Variants in CFAP20DC observed in about 807,000 individuals in gnomAD.
CFAP20DC encodes protein CFAP20DC.
Under a neutral mutation model 101.7 loss-of-function variants are expected in CFAP20DC, and 84 were observed. The observed-to-expected ratio is 0.83, with a 90% CI of 0.69 to 0.99. The LOEUF (loss-of-function observed/expected upper bound fraction) is 0.99, where lower values mean the gene tolerates loss of function less well. Ranked by LOEUF, CFAP20DC falls within the 50% of genes least tolerant of loss-of-function variation. CFAP20DC has a pLI of 0.00. For synonymous variants in CFAP20DC, 359 were observed against 351.2 expected, an observed-to-expected ratio of 1.02 and a Z score of -0.25; for missense variants, 1,007 against 970.3, an observed-to-expected ratio of 1.04 and a Z score of -0.50.
chr3:58,853,703 C>A (rs549121291), intron 12 of CFAP20DC, among the ~76,000 whole-genome samples: 1 of 152,240 alleles, frequency 6.6e-6, no homozygotes, highest in Admixed American at 6.5e-5. Context: ...TAAATGTAAT[C>A]CAGCACATAA....
chr3:58,967,403 A>G (rs1253929198), intron 4 of CFAP20DC, among the ~76,000 whole-genome samples: 9 of 152,318 alleles, frequency 5.9e-5, no homozygotes, highest in Admixed American at 2.0e-4. Flanking sequence ...AGCTAAAACT[A>G]TACATCTCTT....
At chr3:58,747,462 C>CAGAAG (rs1164330903) in intron 16 of CFAP20DC, among the ~76,000 whole-genome samples, 18 of 152,138 alleles carry the variant, frequency 1.2e-4, no homozygotes, top group African/African-American at 4.3e-4. Context: ...GATGTCTCTT[C>CAGAAG]AAGCTTGAAA....
rs543565678 is a variant in CFAP20DC at position 59,020,803 on chromosome 3, G to C, written c.278+18754C>G. 8.5e-5 allele frequency among the ~76,000 whole-genome samples: 13 copies of C among 152,148 alleles called. No individual in the cohort carries two copies. In the East Asian group the frequency reaches 1.4e-3, roughly 16 times the overall value. On this transcript the variant is annotated intron_variant, in intron 4 of 16. Coordinates refer to ENST00000482387, the MANE Select transcript of CFAP20DC (RefSeq NM_001394063.1). ...CCTTATGGACAGTATGTCCCAAATA[G>C]GGGCTGTTTGTTCTATCCACATTCT... is the stretch of plus-strand genomic sequence containing the variant.
chr3:58,987,750 ATAT>A (rs1195287924), intron 4 of CFAP20DC, among the ~76,000 whole-genome samples: 7 of 151,960 alleles, frequency 4.6e-5, no homozygotes, highest in African/African-American at 1.7e-4. Flanking sequence ...CACTTCTAGA[ATAT>A]TATAATTATT....
intron 16 of CFAP20DC, among the ~76,000 whole-genome samples, chr3:58,752,515 C>T (rs9873125): frequency 0.12 from 18,124 of 152,040 alleles, 1,937 homozygotes; most frequent in East Asian, 0.35. Context: ...CTAATATATA[C>T]CTTGGGTGCC....
At chr3:58,737,248 G>A (rs937298766), downstream of CFAP20DC, 46 of 456,030 alleles carry the variant, frequency 1.0e-4, no homozygotes, top group Middle Eastern at 6.5e-4. The surrounding 1 kb of genome is among the most constrained non-coding windows in gnomAD (Gnocchi z 4.1). Flanking sequence ...AAAACAAAAA[G>A]CAAAGAAACA....
chr3:58,813,945 T>C (rs1265672433), intron 14 of CFAP20DC, among the ~76,000 whole-genome samples: 1 of 151,876 alleles, frequency 6.6e-6, no homozygotes, highest in Non-Finnish European at 1.5e-5. Context: ...GGTTCTATGA[T>C]TTAGGCTTTA....
At chr3:58,829,175 T>C (rs574165063) in intron 14 of CFAP20DC, among the ~76,000 whole-genome samples, 3 of 151,820 alleles carry the variant, frequency 2.0e-5, no homozygotes, top group Admixed American at 6.6e-5. Context: ...CTACTAAAAA[T>C]ACAAAAAATT....
intron 15 of CFAP20DC, among the ~76,000 whole-genome samples, chr3:58,804,909 T>G (rs2073951399): frequency 1.3e-5 from 2 of 152,210 alleles, no homozygotes; most frequent in Non-Finnish European, 2.9e-5. Context: ...CAATTCACCC[T>G]ACTAGGTAAC....
chr3:58,888,957 G>GT (rs1315260611), intron 6 of CFAP20DC, among the ~76,000 whole-genome samples: 1 of 146,456 alleles, frequency 6.8e-6, no homozygotes, highest in Non-Finnish European at 1.5e-5. Context: ...AAATCATTCC[G>GT]TTTTTCTCCA....
intron 15 of CFAP20DC, among the ~76,000 whole-genome samples, chr3:58,766,538 T>C (rs2070329958): frequency 6.6e-6 from 1 of 152,230 alleles, no homozygotes; most frequent in African/African-American, 2.4e-5. Context: ...TTCTCCACAC[T>C]ATAGCCAAAA....
intron 3 of CFAP20DC, among the ~76,000 whole-genome samples, chr3:58,730,942 C>T (rs2067633877): frequency 6.6e-6 from 1 of 152,104 alleles, no homozygotes; most frequent in South Asian, 2.1e-4. Context: ...AACACGGATG[C>T]CTCTGTGGTC....
downstream of CFAP20DC, among the ~76,000 whole-genome samples, chr3:58,741,596 G>A (rs771603657): frequency 4.5e-4 from 68 of 151,506 alleles, no homozygotes; most frequent in African/African-American, 1.2e-3. Context: ...TCCTGGGTTC[G>A]CGCCATTCTC....
chr3:58,892,209 A>G lies in CFAP20DC; in HGVS notation c.551-7500T>C, dbSNP rs942047809. 6.6e-6 allele frequency among the ~76,000 whole-genome samples: 1 copy of G among 152,220 alleles called. No individual in the cohort carries two copies. The highest frequency in any genetic ancestry group is 2.4e-5 in the African/African-American group (1 of 41,456). ...TGGTCTATGTGCCTGTTTTCGTATC[A>G]GTACCATGCTCTTTTGGTTACTGTA... On this transcript the variant is annotated intron_variant, in intron 6 of 16. Transcript: ENST00000482387. This position sits in a 1 kb window ranked among gnomAD's most constrained non-coding sequence, Gnocchi z 4.0.
chr3:58,804,191 G>T lies in CFAP20DC; in HGVS notation c.2237+2204C>A, dbSNP rs1388660433. On this transcript the variant is annotated intron_variant, in intron 15 of 16. Coordinates refer to ENST00000482387, the MANE Select transcript of CFAP20DC (RefSeq NM_001394063.1). ...CAACTCCTTTCTTTTACACATGAGG[G>T]TATTCATATTATTAAAAAGGTCTGG... 2.0e-5 allele frequency among the ~76,000 whole-genome samples: 3 copies of T among 152,078 alleles called. No individual in the cohort carries two copies. In the East Asian group the frequency reaches 5.8e-4, roughly 29 times the overall value.
intron 4 of CFAP20DC, among the ~76,000 whole-genome samples, chr3:59,026,159 T>C (rs1367018930): frequency 6.6e-6 from 1 of 152,152 alleles, no homozygotes; most frequent in Non-Finnish European, 1.5e-5. Context: ...TAATTTGACA[T>C]AATTAAAATA....
chr3:58,968,081 T>C (rs1482346496), intron 4 of CFAP20DC, among the ~76,000 whole-genome samples: 1 of 152,246 alleles, frequency 6.6e-6, no homozygotes, highest in Non-Finnish European at 1.5e-5. Flanking sequence ...ATGTAGTATA[T>C]GTACCACATT....
At chr3:58,762,614 T>C (rs1280249211) in intron 15 of CFAP20DC, among the ~76,000 whole-genome samples, 1 of 152,264 alleles carries the variant, frequency 6.6e-6, no homozygotes, top group Non-Finnish European at 1.5e-5. Flanking sequence ...CGTTAGTTGA[T>C]GCAGTTTCTT....
At chr3:58,950,405 A>G (rs955922768) in intron 4 of CFAP20DC, among the ~76,000 whole-genome samples, 1 of 152,190 alleles carries the variant, frequency 6.6e-6, no homozygotes. Context: ...AATTGGAAAA[A>G]ACTACTTTAA....
Sources: allele counts gnomAD v4.1 joint callset (sites outside exome capture counted in the v4.1 genomes callset), GRCh38; gene constraint gnomAD v4.1.1; non-coding constraint Gnocchi (gnomAD v3.1); transcripts MANE v1.5; gene names NCBI Gene and HGNC (gene_info 2026-07-23, HGNC 2026-07-21).